Variants in CYBB observed in about 807,000 individuals in gnomAD.
The protein encoded by CYBB is cytochrome b-245 beta chain.
CYBB carries 5 observed loss-of-function variants against 46.5 expected under a neutral mutation model. That is an observed-to-expected ratio of 0.11 (90% CI 0.06 to 0.23). The LOEUF (loss-of-function observed/expected upper bound fraction) is 0.23, where lower values mean the gene tolerates loss of function less well. Ranked by LOEUF, CYBB falls within the 10% of genes least tolerant of loss-of-function variation. The pLI is 1.00. For synonymous variants in CYBB, 183 were observed against 156.7 expected (o/e 1.17, Z -1.26); for missense variants, 307 against 428.3 (o/e 0.72, Z 2.50).
intron 8 of CYBB, among the ~76,000 whole-genome samples, chrX:37,802,236 T>A (rs550530969): frequency 8.1e-5 from 9 of 111,459 alleles, no homozygotes; most frequent in Middle Eastern, 4.6e-3. Context: ...TCTTGAAATA[T>A]AGGAAACCAC....
intron 6 of CYBB, among the ~76,000 whole-genome samples, chrX:37,797,014 C>G (rs1929326008): frequency 9.0e-6 from 1 of 111,302 alleles, no homozygotes. Context: ...CACCTGCACA[C>G]AAAGGCAGGC....
At position 37,813,394 on chromosome X, in the gene CYBB, G is replaced by T. The variant is rs1196307433; in HGVS notation, c.*2477G>T. On this transcript the variant is annotated 3_prime_UTR_variant, in exon 13 of 13. Coordinates refer to ENST00000378588, the MANE Select transcript of CYBB (RefSeq NM_000397.4). ...TTGTATGTGAATAATTCTAGCGGGG[G>T]ACCTGGGAGATAATTCCTACGGGGA... The T allele has an allele frequency of 1.8e-5, 2 of 110,740 alleles. No individual in the cohort carries two copies. The highest frequency in any genetic ancestry group is 3.3e-5 in the African/African-American group (1 of 30,349). 9.1% of individuals were successfully genotyped at this position (110,740 alleles called of 1,213,427 possible).
rs34556495 is a variant in CYBB, at chrX:37,783,989, T to G, written c.252+389T>G. On this transcript the variant is annotated intron_variant, in intron 3 of 12. Coordinates refer to ENST00000378588, the MANE Select transcript of CYBB (RefSeq NM_000397.4). Reference sequence around the variant, plus strand: ...AAAAATTTAAGTCAGAGGAAATATCTTCTGTGGATAATATCTCAAGGAGAT... The same window carrying G: ...AAAAATTTAAGTCAGAGGAAATATCGTCTGTGGATAATATCTCAAGGAGAT... 8.3e-3 allele frequency among the ~76,000 whole-genome samples: 926 copies of G among 111,572 alleles called. 2 individuals are homozygous for G. Among genetic ancestry groups the G allele is most frequent in the Non-Finnish European group, 0.014 (768 of 53,090 alleles).
rs992077108 is a variant in CYBB at position 37,812,296 on chromosome X, G to C, written c.*1379G>C. The C allele has an allele frequency of 8.9e-6, 1 of 111,765 alleles. No individual in the cohort carries two copies. Among genetic ancestry groups the C allele is most frequent in the Non-Finnish European group, 1.9e-5 (1 of 53,098 alleles). 9.2% of individuals were successfully genotyped at this position (111,765 alleles called of 1,213,427 possible). A position where few individuals can be genotyped will look rare whatever the true frequency, so the allele number is the denominator to read the frequency against. On this transcript the variant is annotated 3_prime_UTR_variant, in exon 13 of 13. Coordinates refer to ENST00000378588, the MANE Select transcript of CYBB (RefSeq NM_000397.4). Reference sequence around the variant, plus strand: ...CTCCCATTTCTGGGAACTAAAACCAGTTTTATTTGCCCCACCCCTTGGAGC... The same window carrying C: ...CTCCCATTTCTGGGAACTAAAACCACTTTTATTTGCCCCACCCCTTGGAGC...
intron 10 of CYBB, 56 bp downstream of exon 10, chrX:37,805,224 G>A (rs1929535599): frequency 3.5e-6 from 4 of 1,126,858 alleles, no homozygotes; most frequent in Non-Finnish European, 4.9e-6. Context: ...TCTGCCATGT[G>A]AGGCCTGAGA....
intron 1 of CYBB, 148 bp from the exon 2 acceptor site, chrX:37,781,940 G>T (rs1928960100): frequency 7.8e-6 from 4 of 512,442 alleles, no homozygotes; most frequent in African/African-American, 2.3e-5. Context: ...TGAGGAAAGA[G>T]CTGGCTCTAA....
Position 37,811,023 on chromosome X carries a change from C to T in CYBB, c.*106C>T. ...CTGCTTAAAAATGGACAAAAAGAAA[C>T]TATAATGTAATGGTTTTCCCTTAAA... On this transcript the variant is annotated 3_prime_UTR_variant, in exon 13 of 13. Transcript: ENST00000378588. The T allele has an allele frequency of 1.3e-6, 1 of 763,443 alleles. No homozygotes were observed. The highest frequency in any genetic ancestry group is 2.7e-5 in the Admixed American group (1 of 37,355). 62.9% of individuals were successfully genotyped at this position (763,443 alleles called of 1,213,427 possible). A position where few individuals can be genotyped will look rare whatever the true frequency, so the allele number is the denominator to read the frequency against.
intron 8 of CYBB, among the ~76,000 whole-genome samples, chrX:37,802,647 G>A (rs1929469660): frequency 8.9e-6 from 1 of 111,817 alleles, no homozygotes; most frequent in African/African-American, 3.2e-5. Context: ...CCTTATTTCA[G>A]AACAGAAGGG....
chrX:37,781,252 T>C (rs1189293713), intron 1 of CYBB, among the ~76,000 whole-genome samples: 1 of 112,567 alleles, frequency 8.9e-6, no homozygotes, highest in Admixed American at 9.4e-5. Context: ...GGAAATGACC[T>C]CCTTCTAAAT....
chrX:37,792,175 AT>A (rs1929211514), intron 4 of CYBB, 116 bp downstream of exon 4: 2 of 519,413 alleles, frequency 3.9e-6, no homozygotes, highest in Non-Finnish European at 6.9e-6. Context: ...GATATGTTGT[AT>A]TTTTTTAATG....
chrX:37,806,878 GTCTC>G (rs1415225253), intron 11 of CYBB, among the ~76,000 whole-genome samples: 3 of 107,823 alleles, frequency 2.8e-5, no homozygotes, highest in African/African-American at 6.8e-5. Flanking sequence ...CTGTCTCTCT[GTCTC>G]TCTCTCTCTG....
rs57325016 is a variant in CYBB, at chrX:37,795,890, ATGTGTGTG to A, written c.484-21_484-14del. On this transcript the variant is annotated intron_variant, in intron 5 of 12. Coordinates refer to ENST00000378588, the MANE Select transcript of CYBB (RefSeq NM_000397.4). ...AACCTATAATATTGTGCTTGCGCAC[ATGTGTGTG>A]TGTGTGTGTGTGTGTGTGTGTGTGT... 48,807 of 577,274 alleles carry A rather than the reference ATGTGTGTG, an allele frequency of 0.085. 1,049 individuals carry two copies. The highest frequency in any genetic ancestry group is 0.14 in the African/African-American group (5,715 of 40,400). The allele number at this position is 577,274 out of a possible 1,213,427, so 47.6% of individuals were successfully genotyped here.
At chrX:37,783,247 C>T (rs782781128) in intron 2 of CYBB, among the ~76,000 whole-genome samples, 111 of 111,888 alleles carry the variant, frequency 9.9e-4, no homozygotes, top group African/African-American at 3.4e-3. Flanking sequence ...TTTCCTTCAA[C>T]TTGTCTTTAT....
chrX:37,783,159 G>A (rs1267605668), intron 2 of CYBB, among the ~76,000 whole-genome samples: 1 of 111,700 alleles, frequency 9.0e-6, no homozygotes, highest in African/African-American at 3.3e-5. Context: ...ATGGATACAG[G>A]AATGGATAGA....
chrX:37,803,773 A>G, intron 8 of CYBB, 104 bp from the exon 9 acceptor site: 1 of 823,598 alleles, frequency 1.2e-6, no homozygotes, highest in East Asian at 3.4e-5. Context: ...CCTAAAGCAG[A>G]GATCTAAGTG....
chrX:37,799,884 AT>A lies in CYBB; in HGVS notation c.804+809del, dbSNP rs1292940159. ...TTGTGCAGGGCTTCTGAAGAGGATT[AT>A]TTTTTTTTCCTTAGGCACAGTATAA... is the stretch of plus-strand genomic sequence containing the variant. On this transcript the variant is annotated intron_variant, in intron 7 of 12. Coordinates refer to ENST00000378588, the MANE Select transcript of CYBB (RefSeq NM_000397.4). 3.8e-3 allele frequency among the ~76,000 whole-genome samples: 411 copies of A among 109,573 alleles called. 1 individual carries two copies. Among genetic ancestry groups the A allele is most frequent in the Non-Finnish European group, 5.0e-3 (262 of 52,305 alleles).
chrX:37,792,688 G>A (rs1929222618), intron 4 of CYBB, among the ~76,000 whole-genome samples: 1 of 110,824 alleles, frequency 9.0e-6, no homozygotes, highest in East Asian at 2.8e-4. Context: ...TCATGTGCCA[G>A]AGAATATATA....
In CYBB at chrX:37,807,800, G is replaced by A. The variant is rs1002198776; in HGVS notation, c.1461+1267G>A. On this transcript the variant is annotated intron_variant, in intron 11 of 12. Coordinates refer to ENST00000378588, the MANE Select transcript of CYBB (RefSeq NM_000397.4). ...GTTTGGAGACCACTATAATAAAGTA[G>A]CCAATAGTTCTCAACTGGGACAATT... 4.5e-5 allele frequency among the ~76,000 whole-genome samples: 5 copies of A among 111,595 alleles called. No individual in the cohort carries two copies. In the East Asian group the frequency reaches 1.4e-3, roughly 31 times the overall value.
chrX:37,801,112 G>A (rs782105194), intron 7 of CYBB, 144 bp from the exon 8 acceptor site: 1 of 499,354 alleles, frequency 2.0e-6, no homozygotes, highest in Admixed American at 2.8e-5. Context: ...ATATTCCATT[G>A]TAGAAGAAAT....
Sources: allele counts gnomAD v4.1 joint callset (sites outside exome capture counted in the v4.1 genomes callset), GRCh38; gene constraint gnomAD v4.1.1; transcripts MANE v1.5; gene names NCBI Gene and HGNC (gene_info 2026-07-23, HGNC 2026-07-21).